PRORP: variants seen among roughly 807,000 people sequenced by gnomAD.
The protein encoded by PRORP is mitochondrial ribonuclease P catalytic subunit.
In PRORP, 51 loss-of-function variants were observed where a neutral mutation model predicts 59.4. That is an observed-to-expected ratio of 0.86 (90% confidence interval 0.69 to 1.08). The LOEUF is 1.08. Among genes scored for constraint, PRORP ranks in the 50% least tolerant of loss-of-function variants. PRORP has a pLI of 0.00. For synonymous variants in PRORP, 231 were observed against 245.6 expected, an observed-to-expected ratio of 0.94 and a Z score of 0.55; for missense variants, 646 against 690.3, an observed-to-expected ratio of 0.94 and a Z score of 0.72.
At chr14:35,245,938 C>G (rs2050471420) in intron 5 of PRORP, among the ~76,000 whole-genome samples, 1 of 152,140 alleles carries the variant, frequency 6.6e-6, no homozygotes, top group Non-Finnish European at 1.5e-5. Flanking sequence ...GTTTCCGTGT[C>G]TGAAAATGCC....
In PRORP at chr14:35,274,095, C is replaced by T. The variant is rs148950551; in HGVS notation, c.*529C>T. 1 of 152,340 alleles carries T rather than the reference C, an allele frequency of 6.6e-6. No homozygotes were observed. Among genetic ancestry groups the T allele is most frequent in the East Asian group, 1.9e-4 (1 of 5,186 alleles). The allele number at this position is 152,340 out of a possible 1,614,324, so 9.4% of individuals were successfully genotyped here. A position where few individuals can be genotyped will look rare whatever the true frequency, so the allele number is the denominator to read the frequency against. On this transcript the variant is annotated 3_prime_UTR_variant, in exon 8 of 8. Transcript: ENST00000534898. ...TACTATTCATAGCAGTTTTTAATTA[C>T]TTATCATCCAATTATTTGGATTGGA...
At chr14:35,137,967 A>G (rs1267498780) in intron 4 of PRORP, among the ~76,000 whole-genome samples, 1 of 145,454 alleles carries the variant, frequency 6.9e-6, no homozygotes, top group Non-Finnish European at 1.5e-5. Context: ...ATTTGTATTA[A>G]TTTGCTAAAG....
chr14:35,156,955 TTTTC>T (rs1595206859), intron 4 of PRORP, among the ~76,000 whole-genome samples: 3 of 33,944 alleles, frequency 8.8e-5, no homozygotes, highest in East Asian at 4.3e-3. Context: ...TTCTTTTTTC[TTTTC>T]TTTTTTTTTT....
chr14:35,187,454 C>G (rs1396174843), intron 5 of PRORP, among the ~76,000 whole-genome samples: 1 of 137,796 alleles, frequency 7.3e-6, no homozygotes, highest in Admixed American at 7.8e-5. Flanking sequence ...TAGATGGAGT[C>G]TCACTGTCAC....
chr14:35,231,107 G>A (rs2050068678), intron 5 of PRORP, among the ~76,000 whole-genome samples: 1 of 152,068 alleles, frequency 6.6e-6, no homozygotes, highest in Non-Finnish European at 1.5e-5. Flanking sequence ...ATATCATTTG[G>A]TTTCTTTTGG....
chr14:35,274,200 T>G lies in PRORP; in HGVS notation c.*634T>G, dbSNP rs1292448938. The G allele has an allele frequency of 6.6e-6, 1 of 152,114 alleles. No individual in the cohort carries two copies. The highest frequency in any genetic ancestry group is 2.4e-5 in the African/African-American group (1 of 41,396). The allele number at this position is 152,114 out of a possible 1,614,324, so 9.4% of individuals were successfully genotyped here. On this transcript the variant is annotated 3_prime_UTR_variant, in exon 8 of 8. Coordinates refer to ENST00000534898, the MANE Select transcript of PRORP (RefSeq NM_014672.4). The stretch of plus-strand genomic sequence containing the variant: ...ACTTACTCTGTCGCCAGGGCTGGAG[T>G]GCAGTGACGTGATCACAGTTCACTG...
At chr14:35,271,266 C>T (rs902540861) in intron 7 of PRORP, among the ~76,000 whole-genome samples, 5 of 150,252 alleles carry the variant, frequency 3.3e-5, no homozygotes, top group South Asian at 4.3e-4. Flanking sequence ...TCAAGCGATC[C>T]TCCTGCCTCA....
At chr14:35,230,938 AACACACACACACACACACACACACACAC>A (rs60270535) in intron 5 of PRORP, among the ~76,000 whole-genome samples, 1 of 144,466 alleles carries the variant, frequency 6.9e-6, no homozygotes, top group Admixed American at 7.0e-5. Context: ...AGGAAAAGAG[AACACACACACACACACACACACACACAC>A]ACACACACAC....
intron 4 of PRORP, among the ~76,000 whole-genome samples, chr14:35,129,299 C>T (rs557428392): frequency 2.6e-5 from 4 of 152,126 alleles, no homozygotes; most frequent in Non-Finnish European, 4.4e-5. Context: ...TATATCCCAC[C>T]GTGCCTAGAT....
At chr14:35,234,405 T>G (rs955209095) in intron 5 of PRORP, among the ~76,000 whole-genome samples, 1 of 152,198 alleles carries the variant, frequency 6.6e-6, no homozygotes, top group Non-Finnish European at 1.5e-5. Context: ...GCACCAACTT[T>G]CCTCTTTAAG....
In PRORP at chr14:35,137,454, T is replaced by C. The variant is rs370691027; in HGVS notation, c.1167+9843T>C. Among the ~76,000 whole-genome samples, 9 of 143,792 alleles carry C rather than the reference T, an allele frequency of 6.3e-5. 1 individual carries two copies. The highest frequency in any genetic ancestry group is 2.9e-4 in the Admixed American group (4 of 13,680). 94.3% of individuals were successfully genotyped at this position (143,792 alleles called of 152,430 possible). On this transcript the variant is annotated intron_variant, in intron 4 of 7. Coordinates refer to ENST00000534898, the MANE Select transcript of PRORP (RefSeq NM_014672.4). ...GATAAATTGGTAGAAAGAGGGAACATTGAGAGAAATGATACCTGCTGTGTT... is the reference window on the plus strand; with the variant it reads ...GATAAATTGGTAGAAAGAGGGAACACTGAGAGAAATGATACCTGCTGTGTT...
intron 6 of PRORP, among the ~76,000 whole-genome samples, chr14:35,267,521 A>C (rs2051071207): frequency 6.6e-6 from 1 of 152,274 alleles, no homozygotes; most frequent in South Asian, 2.1e-4. Flanking sequence ...GGCCGGGCTC[A>C]GCCTGTAATC....
chr14:35,262,938 A>C, intron 5 of PRORP: 1 of 1,595,306 alleles, frequency 6.3e-7, no homozygotes, highest in South Asian at 1.1e-5. Context: ...AGAGGCTTTG[A>C]TTCAGCAAGC....
chr14:35,186,899 A>T (rs977651146), intron 5 of PRORP, among the ~76,000 whole-genome samples: 13 of 152,032 alleles, frequency 8.6e-5, no homozygotes, highest in African/African-American at 3.1e-4. Flanking sequence ...CCTTCTTTCT[A>T]TCTTTATGAA....
At chr14:35,151,935 T>A (rs1258699374) in intron 4 of PRORP, among the ~76,000 whole-genome samples, 6 of 47,238 alleles carry the variant, frequency 1.3e-4, no homozygotes, top group South Asian at 7.3e-4. Context: ...TTAATCCATC[T>A]TTTTTTTTTT....
intron 5 of PRORP, among the ~76,000 whole-genome samples, chr14:35,259,174 G>A (rs987085599): frequency 1.3e-5 from 2 of 152,140 alleles, no homozygotes. Context: ...TGTTTTCTTA[G>A]ATTGACCCTG....
At chr14:35,264,949 A>C (rs1270002993) in intron 5 of PRORP, among the ~76,000 whole-genome samples, 2 of 152,226 alleles carry the variant, frequency 1.3e-5, no homozygotes, top group Non-Finnish European at 2.9e-5. Flanking sequence ...AGATCGCGCC[A>C]CTGCCCTCCA....
intron 6 of PRORP, 74 bp downstream of exon 6, chr14:35,266,949 A>G: frequency 6.7e-7 from 1 of 1,497,676 alleles, no homozygotes; most frequent in East Asian, 2.3e-5. Flanking sequence ...CCTACTTTAA[A>G]CCTATCTTTT....
intron 4 of PRORP, chr14:35,158,086 C>T (rs1434411071): frequency 7.4e-6 from 2 of 268,874 alleles, no homozygotes; most frequent in South Asian, 1.3e-4. Context: ...CTTCAGAGTC[C>T]TTCAGTTTTT....
Sources: allele counts gnomAD v4.1 joint callset (sites outside exome capture counted in the v4.1 genomes callset), GRCh38; gene constraint gnomAD v4.1.1; transcripts MANE v1.5; gene names NCBI Gene and HGNC (gene_info 2026-07-23, HGNC 2026-07-21).